Variants in NLRP1 observed in about 807,000 individuals in gnomAD.
NLRP1 encodes the protein NLR family pyrin domain containing 1, also known as NACHT, LRR and PYD domains-containing protein 1.
Under a neutral mutation model 136.7 loss-of-function variants are expected in NLRP1, and 94 were observed. The observed-to-expected ratio is 0.69, with a 90% CI of 0.58 to 0.82. NLRP1 has a LOEUF of 0.82. Among genes scored for constraint, NLRP1 ranks in the 40% least tolerant of loss-of-function variants. The pLI is 0.00. For synonymous variants in NLRP1, 690 were observed against 725.1 expected (o/e 0.95, Z 0.78); for missense variants, 1,575 against 1,802.7 (o/e 0.87, Z 2.29).
In NLRP1 at chr17:5,515,004, G is replaced by C. The variant is rs539985574; in HGVS notation, c.4172C>G (p.Ala1391Gly). The part of the protein sequence containing the change: ...FVDQYREQLI[A>G]RVTSVEVVLD... ...GACAACCTCCACCGATGTCACTCGGGCTATCAGCTGCTCTCGATACTGGTC... is the reference window on the plus strand; with the variant it reads ...GACAACCTCCACCGATGTCACTCGGCCTATCAGCTGCTCTCGATACTGGTC... The change falls in exon 17 of 17, where the codon GCC becomes GGC. Residue 1391 changes from alanine to glycine, a missense_variant. Coordinates refer to ENST00000572272, the MANE Select transcript of NLRP1 (RefSeq NM_033004.4). The C allele has an allele frequency of 3.1e-6, 5 of 1,614,160 alleles. No individual in the cohort carries two copies. The Admixed American group carries it at 6.7e-5, about 22-fold the overall frequency.
intron 12 of NLRP1, among the ~76,000 whole-genome samples, chr17:5,529,348 C>A (rs4577136): frequency 0.12 from 18,605 of 151,126 alleles, 1,970 homozygotes; most frequent in East Asian, 0.58. Context: ...TGGTATCCTA[C>A]AAGTTACTTG....
In NLRP1 at chr17:5,521,486, AC is replaced by A. The variant is rs770444299; in HGVS notation, c.3783+37del. On this transcript the variant is annotated intron_variant, in intron 13 of 16. Coordinates refer to ENST00000572272, the MANE Select transcript of NLRP1 (RefSeq NM_033004.4). ...TGGCTGCATTTTGTGTTTACCGTCAACCCACCGTGGCCCAGCCTTTCTGGCT... is the reference window on the plus strand; with the variant it reads ...TGGCTGCATTTTGTGTTTACCGTCAACCACCGTGGCCCAGCCTTTCTGGCT... 4 of 1,596,828 alleles carry A rather than the reference AC, an allele frequency of 2.5e-6. No individual in the cohort carries two copies. In the African/African-American group the frequency reaches 5.4e-5, roughly 21 times the overall value.
At chr17:5,576,761 G>A (rs548309691) in intron 3 of NLRP1, among the ~76,000 whole-genome samples, 2 of 152,202 alleles carry the variant, frequency 1.3e-5, no homozygotes, top group Non-Finnish European at 2.9e-5. Context: ...CTCATTTTAC[G>A]AGGCAAGCAT....
rs1417831349 is a variant in NLRP1 at position 5,558,346 on chromosome 17, C to T, written c.2350G>A (p.Val784Ile). 6.2e-7 allele frequency: 1 copy of T among 1,603,606 alleles called. No homozygotes were observed. Among genetic ancestry groups the T allele is most frequent in the East Asian group, 2.2e-5 (1 of 44,758 alleles). ...GGTGGTTTGGGTACTCACAGGACTA[C>T]CATGGTGGGGCTCCATGTTGATCTG... ...QHRSTWSPTM[V>I]VLFRWVPVTD... The change falls in exon 4 of 17, where the codon GTA (valine) becomes ATA (isoleucine). Residue 784 changes from valine (V) to isoleucine (I), a missense_variant. Physicochemically the swap from Val to Ile is conservative, Grantham distance 29. Coordinates refer to ENST00000572272, the MANE Select transcript of NLRP1 (RefSeq NM_033004.4).
At chr17:5,580,914 T>G (rs1238787828) in intron 3 of NLRP1, among the ~76,000 whole-genome samples, 3 of 152,228 alleles carry the variant, frequency 2.0e-5, no homozygotes, top group African/African-American at 7.2e-5. Flanking sequence ...ATATACCCTA[T>G]CAAGATTTTT....
intron 12 of NLRP1, among the ~76,000 whole-genome samples, chr17:5,524,164 C>T (rs558555115): frequency 1.1e-4 from 16 of 152,298 alleles, no homozygotes; most frequent in African/African-American, 2.9e-4. Context: ...CCACCTGCCT[C>T]GGCCTCCCAG....
chr17:5,545,629 C>T (rs897880054), intron 5 of NLRP1, among the ~76,000 whole-genome samples: 6 of 152,196 alleles, frequency 3.9e-5, no homozygotes, highest in Non-Finnish European at 5.9e-5. Flanking sequence ...CCCTCGGTAA[C>T]GTCTCCCTGG....
At chr17:5,566,023 A>G (rs1597469699) in intron 3 of NLRP1, among the ~76,000 whole-genome samples, 2 of 152,212 alleles carry the variant, frequency 1.3e-5, no homozygotes, top group South Asian at 4.1e-4. Context: ...ATCAGCTGAA[A>G]TGTTTCCTTT....
Position 5,583,918 on chromosome 17 carries a change from C to T in NLRP1, c.40G>A (p.Glu14Lys), listed in dbSNP as rs1414256114. ...GAWGRLACYL[E>K]FLKKEELKEF... is the part of the protein sequence containing the mutation. ...TTCAGCTCCTCCTTCTTCAGGAACTCCAAGTAACAGGCCAGGCGGCCCCAG... is the reference window on the plus strand; with the variant it reads ...TTCAGCTCCTCCTTCTTCAGGAACTTCAAGTAACAGGCCAGGCGGCCCCAG... Residue 14 changes from glutamate to lysine, a missense_variant, in exon 1 of 17, where the codon GAG becomes AAG. Physicochemically the swap from Glu to Lys is moderately conservative, Grantham distance 56. Coordinates refer to ENST00000572272, the MANE Select transcript of NLRP1 (RefSeq NM_033004.4). This position sits in a 1 kb window ranked among gnomAD's most constrained non-coding sequence, Gnocchi z 4.5. 6.2e-7 allele frequency: 1 copy of T among 1,608,976 alleles called. No homozygotes were observed.
chr17:5,578,517 T>C (rs1465982296), intron 3 of NLRP1, among the ~76,000 whole-genome samples: 1 of 152,200 alleles, frequency 6.6e-6, no homozygotes. Flanking sequence ...AAAATGCTCA[T>C]CATCACTGGC....
chr17:5,513,005 T>C (rs1034865975), downstream of NLRP1, among the ~76,000 whole-genome samples: 2 of 152,222 alleles, frequency 1.3e-5, no homozygotes, highest in Non-Finnish European at 2.9e-5. Context: ...AGCTTTCTCC[T>C]GAGGCCCTGC....
chr17:5,540,131 C>T (rs1385362298), intron 6 of NLRP1, among the ~76,000 whole-genome samples: 6 of 152,192 alleles, frequency 3.9e-5, no homozygotes, highest in African/African-American at 1.2e-4. Context: ...GCCCTGTTTA[C>T]AGCAAACACT....
rs1478320178 is a variant in NLRP1, at chr17:5,559,257, C to T, written c.1439G>A (p.Gly480Glu). ...TTCCTTCCTGCTGGACTCAGAGAACCCCAGGACCTCTACCCAACGTGCCTG... is the reference window on the plus strand; with the variant it reads ...TTCCTTCCTGCTGGACTCAGAGAACTCCAGGACCTCTACCCAACGTGCCTG... ...LEQARWVEVLGFSESSRKEYF... is the reference protein window; with the variant it reads ...LEQARWVEVLEFSESSRKEYF... Residue 480 changes from glycine to glutamate, a missense_variant, in exon 4 of 17, where the codon GGG (glycine) becomes GAG (glutamate). Gly to Glu is a moderately conservative substitution (Grantham distance 98). Transcript: ENST00000572272. 4 of 1,614,024 alleles carry T rather than the reference C, an allele frequency of 2.5e-6. No individual in the cohort carries two copies. Among genetic ancestry groups the T allele is most frequent in the African/African-American group, 1.3e-5 (1 of 74,904 alleles).
chr17:5,556,316 T>C (rs1022803361), intron 4 of NLRP1, among the ~76,000 whole-genome samples: 136 of 152,156 alleles, frequency 8.9e-4, no homozygotes, highest in Middle Eastern at 3.4e-3. Flanking sequence ...TATCGCTGCA[T>C]GTTGGCATGC....
chr17:5,532,968 C>T lies in NLRP1; in HGVS notation c.3150G>A (p.Glu1050=), dbSNP rs765537222. 4.3e-6 allele frequency: 7 copies of T among 1,612,268 alleles called. No homozygotes were observed. Among genetic ancestry groups the T allele is most frequent in the African/African-American group, 1.3e-5 (1 of 74,774 alleles). The change falls in exon 11 of 17, where the codon GAG becomes GAA. Residue 1050 remains glutamate, a synonymous_variant. Transcript: ENST00000572272. ...CGCACAAGAGTTCCACCGGTACTAC[C>T]TCTGGGGAGCTTTCCTCTGAAACAG... ...IAEIAEESSP[E]VVPVELLCVP...
intron 5 of NLRP1, 137 bp from the exon 6 acceptor site, chr17:5,542,164 A>T: frequency 1.4e-6 from 1 of 705,418 alleles, no homozygotes; most frequent in East Asian, 2.7e-5. Context: ...CCCAGGCCCC[A>T]GAAATGCACA....
intron 2 of NLRP1, 35 bp downstream of exon 2, chr17:5,582,635 A>G (rs1338214044): frequency 1.9e-6 from 3 of 1,604,336 alleles, no homozygotes; most frequent in South Asian, 2.2e-5. Context: ...TCACAGCTCC[A>G]CCCAGGGCTG....
intron 3 of NLRP1, 36 bp from the exon 4 acceptor site, chr17:5,560,079 G>A (rs773148587): frequency 6.7e-7 from 1 of 1,486,084 alleles, no homozygotes; most frequent in Non-Finnish European, 8.9e-7. Context: ...CATAAAGGTA[G>A]AGAATAGAAG....
chr17:5,528,451 C>T (rs1909833609), intron 12 of NLRP1, among the ~76,000 whole-genome samples: 1 of 152,176 alleles, frequency 6.6e-6, no homozygotes, highest in Admixed American at 6.5e-5. Flanking sequence ...CCCATATGAC[C>T]CTGACTGTTC....
Sources: gnomAD v4.1 joint callset for allele counts (sites outside exome capture counted in the v4.1 genomes callset) on GRCh38, gnomAD v4.1.1 for gene constraint, Gnocchi (gnomAD v3.1) non-coding constraint, MANE v1.5 for transcripts, NCBI Gene and HGNC (gene_info 2026-07-23, HGNC 2026-07-21) for gene names.